The following SIN3A variants were observed in gnomAD, a reference collection of about 807,000 sequenced individuals.
The protein encoded by SIN3A is SIN3 transcription regulator family member A.
A neutral mutation model predicts 146.1 loss-of-function variants in SIN3A; 14 were observed. The observed-to-expected ratio is 0.10, with a 90% CI of 0.06 to 0.15. The LOEUF is 0.15. Among genes scored for constraint, SIN3A ranks in the 10% least tolerant of loss-of-function variants. SIN3A has a pLI of 1.00. For missense variants in SIN3A, 1,028 were observed against 1,576.0 expected, an observed-to-expected ratio of 0.65 and a Z score of 5.89; for synonymous variants, 572 against 572.0, an observed-to-expected ratio of 1.00 and a Z score of 0.00.
upstream of SIN3A, chr15:75,452,922 G>GT (rs1567445313): frequency 6.6e-6 from 1 of 152,244 alleles, no homozygotes; most frequent in East Asian, 1.9e-4. Flanking sequence ...TGCCCTCTCT[G>GT]TGTAGGTAAC....
intron 8 of SIN3A, among the ~76,000 whole-genome samples, 169 bp from the exon 9 acceptor site, chr15:75,407,313 T>C (rs1032907952): frequency 6.6e-6 from 1 of 152,232 alleles, no homozygotes; most frequent in Non-Finnish European, 1.5e-5. Flanking sequence ...TTTCAACTCA[T>C]ATTTTCTATT....
Position 75,407,059 on chromosome 15 carries a change from T to C in SIN3A, c.1403A>G (p.Asp468Gly). ...HGGGTESLFF[D>G]KVRKALRSAE... ...TCTAACTCATCCATTACTCACCTTA[T>C]CAAAAAATAACGATTCTGTTCCACC... is the stretch of plus-strand genomic sequence containing the variant. Residue 468 changes from aspartate (D) to glycine (G), a missense_variant, in exon 9 of 21, where the codon GAT becomes GGT. Physicochemically the swap from Asp to Gly is moderately conservative, Grantham distance 94. This residue lies in a region of SIN3A where 157 missense variants were observed against 284.8 expected (regional missense o/e 0.55). Transcript: ENST00000394947. 6.2e-7 allele frequency: 1 copy of C among 1,604,058 alleles called. No individual in the cohort carries two copies. Among genetic ancestry groups the C allele is most frequent in the Non-Finnish European group, 8.5e-7 (1 of 1,172,142 alleles).
rs141379462 is a variant in SIN3A at position 75,426,696 on chromosome 15, G to A, written c.189+3491C>T. Among the ~76,000 whole-genome samples the A allele has an allele frequency of 4.8e-3, 733 of 152,232 alleles. 5 individuals are homozygous for A. The highest frequency in any genetic ancestry group is 0.017 in the African/African-American group (695 of 41,542). On this transcript the variant is annotated intron_variant, in intron 2 of 20. Coordinates refer to ENST00000394947, the MANE Select transcript of SIN3A (RefSeq NM_001145358.2). ...TGTAATCCTAGCAGTTTGGGAGGCC[G>A]AGTCGGGCAGATCACTTGAGTCCAA...
chr15:75,389,802 ATCT>A lies in SIN3A; in HGVS notation c.2868_2870del (p.Glu956del). 1 of 1,614,146 alleles carries A rather than the reference ATCT, an allele frequency of 6.2e-7. No homozygotes were observed. Among genetic ancestry groups the A allele is most frequent in the African/African-American group, 1.3e-5 (1 of 75,054 alleles). ...CCATGTCCAGGAAAGCTGGGTAATA[ATCT>A]TCTACATCAACATCCACTGTGGGAG... is the stretch of plus-strand genomic sequence containing the variant. On this transcript the variant is annotated inframe_deletion, in exon 16 of 21. Coordinates refer to ENST00000394947, the MANE Select transcript of SIN3A (RefSeq NM_001145358.2).
At chr15:75,414,177 A>G in intron 4 of SIN3A, 28 bp downstream of exon 4, 1 of 1,185,720 alleles carries the variant, frequency 8.4e-7, no homozygotes. Flanking sequence ...CCAGATACAA[A>G]GCTTGAGTAC....
At chr15:75,413,934 AC>A (rs2073689615) in intron 4 of SIN3A, among the ~76,000 whole-genome samples, 1 of 152,302 alleles carries the variant, frequency 6.6e-6, no homozygotes, top group South Asian at 2.1e-4. Context: ...CAATTCAGAA[AC>A]CAAGTAGCCT....
At chr15:75,391,893 T>C (rs892988558) in intron 15 of SIN3A, among the ~76,000 whole-genome samples, 7 of 152,224 alleles carry the variant, frequency 4.6e-5, no homozygotes, top group Non-Finnish European at 8.8e-5. Flanking sequence ...CTGTCATGGA[T>C]TGAAATTGGC....
At chr15:75,412,723 G>A (rs2073663404) in intron 5 of SIN3A, 40 bp downstream of exon 5, 1 of 1,507,642 alleles carries the variant, frequency 6.6e-7, no homozygotes, top group African/African-American at 1.4e-5. Context: ...TGCTCTCTAG[G>A]GATGCATTCA....
intron 1 of SIN3A, among the ~76,000 whole-genome samples, chr15:75,450,915 G>C (rs1166966266): frequency 6.6e-6 from 1 of 152,168 alleles, no homozygotes; most frequent in Non-Finnish European, 1.5e-5. Context: ...TGGCATCACG[G>C]ATCAGTACGG....
intron 1 of SIN3A, among the ~76,000 whole-genome samples, chr15:75,441,921 C>A (rs1225334469): frequency 6.6e-6 from 1 of 151,770 alleles, no homozygotes; most frequent in Non-Finnish European, 1.5e-5. Flanking sequence ...GAGATTGAGA[C>A]CATCCTGGCT....
chr15:75,418,878 C>G (rs2073791950), intron 3 of SIN3A, among the ~76,000 whole-genome samples: 1 of 152,112 alleles, frequency 6.6e-6, no homozygotes, highest in African/African-American at 2.4e-5. Flanking sequence ...CCTCAGCCTC[C>G]CAAGTAGCTG....
intron 20 of SIN3A, among the ~76,000 whole-genome samples, chr15:75,372,812 C>A (rs1254922021): frequency 1.4e-5 from 2 of 144,226 alleles, no homozygotes; most frequent in African/African-American, 5.1e-5. Flanking sequence ...AGAGCCAAAC[C>A]CTGTCTCCAA....
At chr15:75,391,167 C>CT (rs1250547416) in intron 15 of SIN3A, among the ~76,000 whole-genome samples, 1 of 152,192 alleles carries the variant, frequency 6.6e-6, no homozygotes, top group African/African-American at 2.4e-5. Flanking sequence ...TATACCACTG[C>CT]TATGAAAACT....
At chr15:75,434,986 A>G (rs551605814) in intron 1 of SIN3A, among the ~76,000 whole-genome samples, 191 of 152,164 alleles carry the variant, frequency 1.3e-3, no homozygotes, top group African/African-American at 4.2e-3. Flanking sequence ...AGCAATTTAA[A>G]AAAAAAAAAG....
intron 1 of SIN3A, among the ~76,000 whole-genome samples, chr15:75,435,162 C>T (rs951955208): frequency 1.3e-5 from 2 of 151,808 alleles, no homozygotes; most frequent in African/African-American, 4.8e-5. Flanking sequence ...AGTTTATCCA[C>T]GAGTATAAGA....
In SIN3A at chr15:75,394,624, A is replaced by G. The variant is rs572389660; in HGVS notation, c.2277+56T>C. The stretch of plus-strand genomic sequence containing the variant: ...AACAAAGGTAATTTCCAGAAATCAA[A>G]GCTGTGCTAAATATAGACTAGAGTC... On this transcript the variant is annotated intron_variant, in intron 14 of 20. Coordinates refer to ENST00000394947, the MANE Select transcript of SIN3A (RefSeq NM_001145358.2). The G allele has an allele frequency of 9.9e-6, 14 of 1,408,578 alleles. No homozygotes were observed. The African/African-American group carries it at 1.6e-4, about 16-fold the overall frequency. 87.3% of individuals were successfully genotyped at this position (1,408,578 alleles called of 1,614,324 possible).
At chr15:75,412,347 C>T (rs1462761071) in intron 5 of SIN3A, among the ~76,000 whole-genome samples, 3 of 152,232 alleles carry the variant, frequency 2.0e-5, no homozygotes, top group South Asian at 2.1e-4. Context: ...ATCACTATCA[C>T]TATTCATTAG....
chr15:75,452,642 A>G (rs2074429222), upstream of SIN3A, among the ~76,000 whole-genome samples: 1 of 152,210 alleles, frequency 6.6e-6, no homozygotes, highest in Non-Finnish European at 1.5e-5. Flanking sequence ...GGGCGGAGAT[A>G]ACCAAAAGAG....
chr15:75,422,352 C>A (rs2073853968), intron 3 of SIN3A: 1 of 599,040 alleles, frequency 1.7e-6, no homozygotes, highest in Non-Finnish European at 3.0e-6. Flanking sequence ...AAGGAAGCAG[C>A]CAAAAAATGA....
Sources: allele counts gnomAD v4.1 joint callset (sites outside exome capture counted in the v4.1 genomes callset), GRCh38; gene constraint gnomAD v4.1.1; regional missense constraint gnomAD v4.1.1; transcripts MANE v1.5; gene names NCBI Gene and HGNC (gene_info 2026-07-23, HGNC 2026-07-21).